The following GRB2 variants were observed in gnomAD, a reference collection of about 807,000 sequenced individuals.
GRB2 encodes the protein growth factor receptor-bound protein 2.
GRB2 carries 2 observed loss-of-function variants against 27.4 expected under a neutral mutation model. The observed-to-expected ratio is 0.07, with a 90% CI of 0.03 to 0.23. The LOEUF is 0.23. GRB2 is among the 10% of genes least tolerant of loss of function. GRB2 has a pLI of 1.00. For missense variants in GRB2, 102 were observed against 282.4 expected (o/e 0.36, Z 4.58); for synonymous variants, 94 against 99.6 (o/e 0.94, Z 0.33).
intron 4 of GRB2, among the ~76,000 whole-genome samples, chr17:75,325,433 T>C (rs1040856931): frequency 6.6e-6 from 1 of 152,176 alleles, no homozygotes; most frequent in Non-Finnish European, 1.5e-5. Context: ...CTTTCACACC[T>C]GAACTTTCCA....
chr17:75,386,549 C>T (rs1020936209), intron 2 of GRB2, among the ~76,000 whole-genome samples: 1 of 152,198 alleles, frequency 6.6e-6, no homozygotes, highest in South Asian at 2.1e-4. Flanking sequence ...CATTTCTTCA[C>T]ACTGTAGCCA....
At position 75,320,539 on chromosome 17, in the gene GRB2, G is replaced by C; in HGVS notation, c.483C>G (p.Val161=). The change falls in exon 6 of 6, where the codon GTC becomes GTG. Residue 161 remains valine, a synonymous_variant. Coordinates refer to ENST00000316804, the MANE Select transcript of GRB2 (RefSeq NM_002086.5). This position sits in a 1 kb window ranked among gnomAD's most constrained non-coding sequence, Gnocchi z 4.3. ...GGGGATCAAAGTCAAAGAGGGCCTG[G>C]ACGTATGTCGGCTGCTGCAAAACAG... ...IEQVPQQPTY[V]QALFDFDPQE... The C allele has an allele frequency of 6.2e-7, 1 of 1,612,980 alleles. No individual in the cohort carries two copies. Among genetic ancestry groups the C allele is most frequent in the South Asian group, 1.1e-5 (1 of 91,066 alleles).
At chr17:75,375,724 T>C (rs1351585058) in intron 2 of GRB2, among the ~76,000 whole-genome samples, 8 of 151,292 alleles carry the variant, frequency 5.3e-5, no homozygotes, top group Admixed American at 5.3e-4. Context: ...TCTACAAATA[T>C]ACAAAAAGTA....
At chr17:75,324,719 G>A (rs1405096678) in intron 4 of GRB2, among the ~76,000 whole-genome samples, 2 of 151,834 alleles carry the variant, frequency 1.3e-5, no homozygotes, top group East Asian at 3.9e-4. Flanking sequence ...GTTTCACCAT[G>A]TTGGCCAGGC....
intron 2 of GRB2, among the ~76,000 whole-genome samples, chr17:75,354,958 C>A (rs1481900912): frequency 6.6e-6 from 1 of 152,126 alleles, no homozygotes; most frequent in African/African-American, 2.4e-5. Flanking sequence ...CAGGCACATG[C>A]CAACATGCCT....
chr17:75,337,933 AT>A (rs1176750911), intron 2 of GRB2, among the ~76,000 whole-genome samples: 10 of 141,056 alleles, frequency 7.1e-5, no homozygotes, highest in Non-Finnish European at 1.2e-4. Context: ...TATTATTATT[AT>A]TATTATTATT....
intron 4 of GRB2, 151 bp from the exon 5 acceptor site, chr17:75,321,978 C>G: frequency 1.5e-6 from 1 of 671,548 alleles, no homozygotes; most frequent in Non-Finnish European, 2.5e-6. Flanking sequence ...CTGGGTGTCC[C>G]TGGGACGGAC....
intron 2 of GRB2, among the ~76,000 whole-genome samples, chr17:75,340,198 T>TC (rs1450713997): frequency 6.6e-6 from 1 of 152,216 alleles, no homozygotes; most frequent in Non-Finnish European, 1.5e-5. Context: ...GAAAAATTAT[T>TC]CAAAGTTTTA....
chr17:75,377,581 G>A (rs1270846688), intron 2 of GRB2, among the ~76,000 whole-genome samples: 1 of 123,532 alleles, frequency 8.1e-6, no homozygotes, highest in East Asian at 2.8e-4. Flanking sequence ...AGGCAACAGA[G>A]CGAGACCCTG....
At chr17:75,336,590 C>T (rs2078578565) in intron 2 of GRB2, among the ~76,000 whole-genome samples, 1 of 152,146 alleles carries the variant, frequency 6.6e-6, no homozygotes, top group African/African-American at 2.4e-5. Context: ...TCCCCTCCCC[C>T]AACAAACACA....
At chr17:75,370,245 T>C (rs952945954) in intron 2 of GRB2, among the ~76,000 whole-genome samples, 3 of 152,300 alleles carry the variant, frequency 2.0e-5, no homozygotes, top group East Asian at 1.9e-4. Flanking sequence ...TAAAAAGATA[T>C]TGGTGCCTTG....
chr17:75,388,182 C>T (rs1025648788), intron 2 of GRB2, among the ~76,000 whole-genome samples: 4 of 152,038 alleles, frequency 2.6e-5, no homozygotes, highest in African/African-American at 9.7e-5. Context: ...CTGGAACCTC[C>T]ACATCCCGGG....
chr17:75,322,306 A>C (rs993708694), intron 4 of GRB2, among the ~76,000 whole-genome samples: 2 of 147,002 alleles, frequency 1.4e-5, no homozygotes, highest in Non-Finnish European at 3.0e-5. Flanking sequence ...TGGGAGGCCG[A>C]GGTTGTGGTG....
rs1275670659 is a variant in GRB2 at position 75,320,630 on chromosome 17, CA to C, written c.469-78del. On this transcript the variant is annotated intron_variant, in intron 5 of 5. Transcript: ENST00000316804. This position sits in a 1 kb window ranked among gnomAD's most constrained non-coding sequence, Gnocchi z 4.3. ...GCCACCTCCGAGGCCAGATGGGTTC[CA>C]GGGGGAAACGAATGCGTGCCAAATT... The C allele has an allele frequency of 9.2e-6, 10 of 1,089,292 alleles. No individual in the cohort carries two copies. Among genetic ancestry groups the C allele is most frequent in the South Asian group, 2.7e-5 (2 of 74,402 alleles). The allele number at this position is 1,089,292 out of a possible 1,614,324, so 67.5% of individuals were successfully genotyped here.
At chr17:75,393,461 A>C (rs1324879094) in intron 2 of GRB2, 90 bp downstream of exon 2, 2 of 991,008 alleles carry the variant, frequency 2.0e-6, no homozygotes, top group African/African-American at 3.2e-5. Context: ...ACAATGAAAA[A>C]CACAGCTTCT....
chr17:75,331,017 C>CAAA (rs2078537664), intron 3 of GRB2, among the ~76,000 whole-genome samples: 3 of 151,928 alleles, frequency 2.0e-5, no homozygotes, highest in Admixed American at 6.6e-5. Context: ...CACAAACAAA[C>CAAA]AAACAAACAA....
intron 4 of GRB2, among the ~76,000 whole-genome samples, chr17:75,324,114 C>A (rs2078479519): frequency 6.6e-6 from 1 of 151,422 alleles, no homozygotes; most frequent in South Asian, 2.1e-4. Flanking sequence ...CGGGCCACAA[C>A]TATAAATTTA....
intron 2 of GRB2, among the ~76,000 whole-genome samples, chr17:75,348,043 G>T (rs774224345): frequency 6.6e-6 from 1 of 152,134 alleles, no homozygotes; most frequent in South Asian, 2.1e-4. Flanking sequence ...TCTGTTAACC[G>T]CTTTTTCAAA....
chr17:75,336,352 C>T (rs1386880428), intron 2 of GRB2, among the ~76,000 whole-genome samples: 1 of 152,172 alleles, frequency 6.6e-6, no homozygotes, highest in Admixed American at 6.5e-5. Context: ...TCTACTTTTA[C>T]TGTATACACT....
Sources: allele counts gnomAD v4.1 joint callset (sites outside exome capture counted in the v4.1 genomes callset), GRCh38; gene constraint gnomAD v4.1.1; non-coding constraint Gnocchi (gnomAD v3.1); transcripts MANE v1.5; gene names NCBI Gene and HGNC (gene_info 2026-07-23, HGNC 2026-07-21).